TUBG2: variants seen among roughly 807,000 people sequenced by gnomAD.
TUBG2 encodes the protein tubulin gamma 2, also known as tubulin gamma-2 chain.
TUBG2 carries 39 observed loss-of-function variants against 55.1 expected under a neutral mutation model. The ratio of observed to expected loss-of-function variants is 0.71; its 90% CI spans 0.55 to 0.93. The LOEUF (loss-of-function observed/expected upper bound fraction) is 0.93, where lower values mean the gene tolerates loss of function less well. Ranked by LOEUF, TUBG2 falls within the 40% of genes least tolerant of loss-of-function variation. The pLI, the probability that TUBG2 is intolerant of heterozygous loss-of-function variation, is 0.00. For synonymous variants in TUBG2, 223 were observed against 241.0 expected, an observed-to-expected ratio of 0.93 and a Z score of 0.69; for missense variants, 358 against 599.1, an observed-to-expected ratio of 0.60 and a Z score of 4.20.
chr17:42,666,240 G>C lies in TUBG2; in HGVS notation c.996+1G>C, dbSNP rs1435551722. The C allele has an allele frequency of 8.1e-6, 13 of 1,613,886 alleles. No individual in the cohort carries two copies. Among genetic ancestry groups the C allele is most frequent in the Non-Finnish European group, 1.1e-5 (13 of 1,179,898 alleles). ...CCAGGGAGAGGTGGACCCCACCCAG[G>C]TAGGGGAGGCCCCTTCATCCCGCGC... On this transcript the variant is annotated splice_donor_variant, in intron 9 of 10. Transcript: ENST00000251412. LOFTEE classifies it high-confidence loss of function.
intron 4 of TUBG2, among the ~76,000 whole-genome samples, chr17:42,662,377 G>A (rs1007722659): frequency 6.7e-6 from 1 of 149,992 alleles, no homozygotes; most frequent in Non-Finnish European, 1.5e-5. Context: ...AGGCCGAGGC[G>A]GGCAGATCAC....
chr17:42,660,984 A>C, intron 4 of TUBG2: 1 of 377,370 alleles, frequency 2.6e-6, no homozygotes, highest in Non-Finnish European at 5.0e-6. Context: ...GCATAAGAGG[A>C]AGCTTTGAGA....
chr17:42,663,338 C>A, intron 5 of TUBG2, 39 bp from the exon 6 acceptor site: 4 of 1,612,456 alleles, frequency 2.5e-6, no homozygotes, highest in Non-Finnish European at 3.4e-6. Flanking sequence ...ATGGAGGGGT[C>A]CTTCCGGTTC....
intron 4 of TUBG2, among the ~76,000 whole-genome samples, chr17:42,662,560 C>G (rs142523601): frequency 6.6e-6 from 1 of 151,124 alleles, no homozygotes; most frequent in Non-Finnish European, 1.5e-5. Context: ...GAGCCAAGAT[C>G]GGGCCATTGC....
Position 42,666,253 on chromosome 17 carries a change from C to A in TUBG2, c.996+14C>A, listed in dbSNP as rs1222069705. On this transcript the variant is annotated intron_variant, in intron 9 of 10. Transcript: ENST00000251412. ...GACCCCACCCAGGTAGGGGAGGCCC[C>A]TTCATCCCGCGCCCTGGACCTGCAG... 6.2e-7 allele frequency: 1 copy of A among 1,614,038 alleles called. No individual in the cohort carries two copies. The highest frequency in any genetic ancestry group is 8.5e-7 in the Non-Finnish European group (1 of 1,179,888).
In TUBG2 at chr17:42,666,769, A is replaced by C; in HGVS notation, c.1325A>C (p.Asp442Ala). ...GAGTACCATGCGGCCACCCAGCCAG[A>C]CTACATTTCCTGGGGCACCCAGGAG... ...IDEYHAATQP[D>A]YISWGTQEQ Residue 442 changes from aspartate to alanine, a missense_variant, in exon 11 of 11, where the codon GAC (aspartate) becomes GCC (alanine). By Grantham distance (126) the Asp-to-Ala change is moderately radical. Transcript: ENST00000251412. 6.2e-7 allele frequency: 1 copy of C among 1,614,066 alleles called. No homozygotes were observed. The highest frequency in any genetic ancestry group is 8.5e-7 in the Non-Finnish European group (1 of 1,179,982).
chr17:42,664,893 A>G (rs2052484696), intron 6 of TUBG2, among the ~76,000 whole-genome samples: 1 of 144,164 alleles, frequency 6.9e-6, no homozygotes, highest in African/African-American at 2.5e-5. Context: ...ATACTTTTTT[A>G]TTTATATTTT....
chr17:42,665,418 T>C (rs1261573515), intron 6 of TUBG2, 58 bp from the exon 7 acceptor site: 1 of 1,612,582 alleles, frequency 6.2e-7, no homozygotes, highest in Admixed American at 1.7e-5. Flanking sequence ...TAAGCCAATA[T>C]CTTATTTCTA....
chr17:42,663,552 A>G (rs772574190), intron 6 of TUBG2, 49 bp downstream of exon 6: 9 of 1,607,772 alleles, frequency 5.6e-6, no homozygotes, highest in Non-Finnish European at 7.7e-6. Flanking sequence ...TCATGCCTGT[A>G]GTTCTAGCAC....
rs1450268068 is a variant in TUBG2 at position 42,659,368 on chromosome 17, A to G, written c.-136A>G. The G allele has an allele frequency of 2.2e-6, 2 of 908,706 alleles. No individual in the cohort carries two copies. Among genetic ancestry groups the G allele is most frequent in the African/African-American group, 1.7e-5 (1 of 58,154 alleles). The allele number at this position is 908,706 out of a possible 1,614,324, so 56.3% of individuals were successfully genotyped here. A position where few individuals can be genotyped will look rare whatever the true frequency, so the allele number is the denominator to read the frequency against. On this transcript the variant is annotated 5_prime_UTR_variant, in exon 1 of 11. Transcript: ENST00000251412. ...GGCCGAGGAGAGGCCTGCGCTGCACACGCGCAGACCGAGCATCCGCGTCAA... is the reference window on the plus strand; with the variant it reads ...GGCCGAGGAGAGGCCTGCGCTGCACGCGCGCAGACCGAGCATCCGCGTCAA...
chr17:42,661,694 C>A (rs968393155), intron 4 of TUBG2, among the ~76,000 whole-genome samples: 1 of 152,212 alleles, frequency 6.6e-6, no homozygotes, highest in Admixed American at 6.5e-5. Context: ...AGCTTCCCCT[C>A]GGTATCTCTT....
rs1040921942 is a variant in TUBG2 at position 42,659,557 on chromosome 17, G to A, written c.49+5G>A. 2.6e-6 allele frequency: 4 copies of A among 1,536,056 alleles called. No individual in the cohort carries two copies. The highest frequency in any genetic ancestry group is 3.5e-6 in the Non-Finnish European group (4 of 1,140,364). ...TGGGCCAGTGCGGCAACCAGAGTGA[G>A]CAAGCGAGCGCCGGCCCCGCCGGTC... is the stretch of plus-strand genomic sequence containing the variant. On this transcript the variant is annotated splice_donor_5th_base_variant and intron_variant, in intron 1 of 10. Transcript: ENST00000251412.
chr17:42,664,611 T>C (rs2052472697), intron 6 of TUBG2, among the ~76,000 whole-genome samples: 1 of 151,928 alleles, frequency 6.6e-6, no homozygotes, highest in African/African-American at 2.4e-5. Context: ...TTCCTATATG[T>C]GTATTTTAGG....
intron 8 of TUBG2, 59 bp downstream of exon 8, chr17:42,665,886 C>T: frequency 6.2e-7 from 1 of 1,609,480 alleles, no homozygotes; most frequent in Admixed American, 1.7e-5. Context: ...AGGCCCTGCC[C>T]CAGCCTTTCT....
In TUBG2 at chr17:42,664,292, A is replaced by G. The variant is rs1398005159; in HGVS notation, c.606+789A>G. On this transcript the variant is annotated intron_variant, in intron 6 of 10. Coordinates refer to ENST00000251412, the MANE Select transcript of TUBG2 (RefSeq NM_016437.3). ...CCTTGTGTTTAAAAAAAAAAAAAAA[A>G]GGGTAGAGGACTTTGGTCTGTCTCC... Among the ~76,000 whole-genome samples, 7 of 120,336 alleles carry G rather than the reference A, an allele frequency of 5.8e-5. No homozygotes were observed. The East Asian group carries it at 7.5e-4, about 13-fold the overall frequency. 78.9% of individuals were successfully genotyped at this position (120,336 alleles called of 152,430 possible).
In TUBG2 at chr17:42,665,566, G is replaced by C; in HGVS notation, c.693+4G>C. 6.2e-7 allele frequency: 1 copy of C among 1,614,022 alleles called. No homozygotes were observed. The highest frequency in any genetic ancestry group is 1.1e-5 in the South Asian group (1 of 91,072). On this transcript the variant is annotated splice_donor_region_variant and intron_variant, in intron 7 of 10. Transcript: ENST00000251412. Reference sequence around the variant, plus strand: ...CTTCTCCCAGATCAACCAGCTGGTGGGCCCCCACTCCCGGACTCCTTTGGA... The same window carrying C: ...CTTCTCCCAGATCAACCAGCTGGTGCGCCCCCACTCCCGGACTCCTTTGGA...
chr17:42,666,941 C>A lies in TUBG2; in HGVS notation c.*141C>A. On this transcript the variant is annotated 3_prime_UTR_variant, in exon 11 of 11. Transcript: ENST00000251412. ...GTGAGCTGGTCCTGCTTCCTCCCTT[C>A]CATGCCCTAACTTTTAATATGCTTG... The A allele has an allele frequency of 1.2e-6, 1 of 802,332 alleles. No homozygotes were observed. Among genetic ancestry groups the A allele is most frequent in the African/African-American group, 1.7e-5 (1 of 57,940 alleles). The allele number at this position is 802,332 out of a possible 1,614,324, so 49.7% of individuals were successfully genotyped here.
rs2052423868 is a variant in TUBG2 at position 42,662,970 on chromosome 17, C to G, written c.400-3C>G. 1.2e-6 allele frequency: 2 copies of G among 1,613,722 alleles called. No homozygotes were observed. Among genetic ancestry groups the G allele is most frequent in the Admixed American group, 1.7e-5 (1 of 59,928 alleles). The stretch of plus-strand genomic sequence containing the variant: ...GAGTCTGTTTATTCCTGTATACACA[C>G]AGGGCTTCGTGCTGTGTCACTCCAT... On this transcript the variant is annotated splice_polypyrimidine_tract_variant and splice_region_variant and intron_variant, in intron 4 of 10. Coordinates refer to ENST00000251412, the MANE Select transcript of TUBG2 (RefSeq NM_016437.3).
Position 42,666,999 on chromosome 17 carries a change from T to C in TUBG2, c.*199T>C. 1.7e-6 allele frequency: 1 copy of C among 593,644 alleles called. No individual in the cohort carries two copies. The highest frequency in any genetic ancestry group is 2.9e-6 in the Non-Finnish European group (1 of 340,486). 36.8% of individuals were successfully genotyped at this position (593,644 alleles called of 1,614,324 possible). On this transcript the variant is annotated 3_prime_UTR_variant, in exon 11 of 11. Transcript: ENST00000251412. The stretch of plus-strand genomic sequence containing the variant: ...CTAATAAAGTAATAAAGCTTGGTTG[T>C]CAGTATAGCCAGGGCTTGATCTGTG...
Sources: allele counts gnomAD v4.1 joint callset (sites outside exome capture counted in the v4.1 genomes callset), GRCh38; gene constraint gnomAD v4.1.1; transcripts MANE v1.5; gene names NCBI Gene and HGNC (gene_info 2026-07-23, HGNC 2026-07-21).